Variants in CXorf38 observed in about 807,000 individuals in gnomAD.
CXorf38 encodes uncharacterized protein CXorf38.
A neutral mutation model predicts 27.5 loss-of-function variants in CXorf38; 13 were observed. The ratio of observed to expected loss-of-function variants is 0.47; its 90% CI spans 0.31 to 0.75. The LOEUF is 0.75. Among genes scored for constraint, CXorf38 ranks in the 30% least tolerant of loss-of-function variants. CXorf38 has a pLI of 0.05. For synonymous variants in CXorf38, 100 were observed against 99.8 expected, an observed-to-expected ratio of 1.00 and a Z score of -0.01; for missense variants, 240 against 253.2, an observed-to-expected ratio of 0.95 and a Z score of 0.35.
chrX:40,639,150 G>T, intron 2 of CXorf38, 22 bp from the exon 3 acceptor site: 1 of 1,198,769 alleles, frequency 8.3e-7, no homozygotes, highest in Non-Finnish European at 1.1e-6. Context: ...GAGGGAGGAG[G>T]GGGACCTGAG....
At position 40,647,334 on chromosome X, in the gene CXorf38, C is replaced by T. The variant is rs769803715; in HGVS notation, c.187G>A (p.Gly63Ser). Residue 63 changes from glycine (G) to serine (S), a missense_variant, in exon 1 of 7, where the codon GGC (glycine) becomes AGC (serine). Coordinates refer to ENST00000327877, the MANE Select transcript of CXorf38 (RefSeq NM_144970.3). ...GLGPRAVCRG[G>S]SRCSPRARQF... ...CGGGCGCGAGGGCTGCACCGTGAGC[C>T]GCCGCGGCAGACGGCGCGGGGCCCC... is the stretch of plus-strand genomic sequence containing the variant. The T allele has an allele frequency of 2.7e-6, 3 of 1,105,838 alleles. No homozygotes were observed. Among genetic ancestry groups the T allele is most frequent in the South Asian group, 4.4e-5 (2 of 45,688 alleles). 91.1% of individuals were successfully genotyped at this position (1,105,838 alleles called of 1,213,427 possible). A position where few individuals can be genotyped will look rare whatever the true frequency, so the allele number is the denominator to read the frequency against.
chrX:40,639,149 G>T, intron 2 of CXorf38, 21 bp from the exon 3 acceptor site: 1 of 1,200,956 alleles, frequency 8.3e-7, no homozygotes, highest in Non-Finnish European at 1.1e-6. Context: ...GGAGGGAGGA[G>T]GGGGACCTGA....
chrX:40,643,269 A>T (rs186859298), intron 2 of CXorf38, among the ~76,000 whole-genome samples: 28 of 110,972 alleles, frequency 2.5e-4, no homozygotes, highest in Middle Eastern at 4.6e-3. Context: ...AAGTGTTTTT[A>T]AAAAAAACAG....
In CXorf38 at chrX:40,627,547, T is replaced by G. The variant is rs1927583398; in HGVS notation, c.*2617A>C. The G allele has an allele frequency of 8.9e-6, 1 of 112,282 alleles. No homozygotes were observed. The highest frequency in any genetic ancestry group is 3.7e-4 in the South Asian group (1 of 2,725). 9.3% of individuals were successfully genotyped at this position (112,282 alleles called of 1,213,427 possible). A position where few individuals can be genotyped will look rare whatever the true frequency, so the allele number is the denominator to read the frequency against. On this transcript the variant is annotated 3_prime_UTR_variant, in exon 7 of 7. Coordinates refer to ENST00000327877, the MANE Select transcript of CXorf38 (RefSeq NM_144970.3). ...TTAATATGTCTTAGAGATCACTGCA[T>G]GACCACAGTGCAGCATCGCTTCATT...
rs1795637735 is a variant in CXorf38 at position 40,628,746 on chromosome X, C to T, written c.*1418G>A. ...TAACATTTAGGCCTGTGAATACTCC[C>T]AAGCTATGAGGGGACCCTTCAGTCA... On this transcript the variant is annotated 3_prime_UTR_variant, in exon 7 of 7. Coordinates refer to ENST00000327877, the MANE Select transcript of CXorf38 (RefSeq NM_144970.3). 8.9e-6 allele frequency: 1 copy of T among 112,181 alleles called. No homozygotes were observed. Among genetic ancestry groups the T allele is most frequent in the Non-Finnish European group, 1.9e-5 (1 of 53,228 alleles). 9.2% of individuals were successfully genotyped at this position (112,181 alleles called of 1,213,427 possible). A position where few individuals can be genotyped will look rare whatever the true frequency, so the allele number is the denominator to read the frequency against.
Position 40,636,642 on chromosome X carries a change from C to A in CXorf38, c.692G>T (p.Gly231Val). 1 of 1,208,852 alleles carries A rather than the reference C, an allele frequency of 8.3e-7. No homozygotes were observed. The highest frequency in any genetic ancestry group is 1.1e-6 in the Non-Finnish European group (1 of 893,684). ...DQRDGCECEM[G>V]TYLSESQVNE... The stretch of plus-strand genomic sequence containing the variant: ...GACTTGGCTCTCACTCAGGTAAGTT[C>A]CCATTTCACATTCACACCCATCTCG... Residue 231 changes from glycine to valine, a missense_variant, in exon 5 of 7, where the codon GGA becomes GTA. Physicochemically the swap from Gly to Val is moderately radical, Grantham distance 109. Coordinates refer to ENST00000327877, the MANE Select transcript of CXorf38 (RefSeq NM_144970.3).
intron 2 of CXorf38, among the ~76,000 whole-genome samples, chrX:40,644,684 A>C (rs368839335): frequency 8.9e-6 from 1 of 112,121 alleles, no homozygotes; most frequent in East Asian, 2.8e-4. Context: ...CAGGGACTTG[A>C]GCATCTGTGG....
intron 2 of CXorf38, among the ~76,000 whole-genome samples, chrX:40,643,720 G>A (rs995458378): frequency 9.0e-6 from 1 of 111,163 alleles, no homozygotes; most frequent in Non-Finnish European, 1.9e-5. Flanking sequence ...TTGCTGGTCA[G>A]GTTGGTCTTG....
At chrX:40,637,245 G>C in intron 3 of CXorf38, 89 bp from the exon 4 acceptor site, 2 of 658,035 alleles carry the variant, frequency 3.0e-6, no homozygotes, top group Non-Finnish European at 4.4e-6. Flanking sequence ...TCATAGAGAG[G>C]CTTTGTTAAT....
At position 40,647,547 on chromosome X, in the gene CXorf38, C is replaced by T. The variant is rs757012409; in HGVS notation, c.-27G>A. The stretch of plus-strand genomic sequence containing the variant: ...TCTCCCACTTGGAACCAGGAGGTTG[C>T]GGGGCGTGGCGGACGGCAGTGCGCA... On this transcript the variant is annotated 5_prime_UTR_variant, in exon 1 of 7. Transcript: ENST00000327877. 27 of 1,166,349 alleles carry T rather than the reference C, an allele frequency of 2.3e-5. No homozygotes were observed. The South Asian group carries it at 3.5e-4, about 15-fold the overall frequency.
chrX:40,646,894 A>ATC (rs1259512636), intron 2 of CXorf38, 113 bp downstream of exon 2: 3 of 852,154 alleles, frequency 3.5e-6, no homozygotes, highest in South Asian at 2.8e-5. Context: ...CCCTTGATCA[A>ATC]TCTCTCTCTC....
rs1927670426 is a variant in CXorf38 at position 40,629,509 on chromosome X, CCAAACACAGCCTT to C, written c.*642_*654del. 8.9e-6 allele frequency: 1 copy of C among 112,642 alleles called. No homozygotes were observed. Among genetic ancestry groups the C allele is most frequent in the Non-Finnish European group, 1.9e-5 (1 of 53,339 alleles). The allele number at this position is 112,642 out of a possible 1,213,427, so 9.3% of individuals were successfully genotyped here. A position where few individuals can be genotyped will look rare whatever the true frequency, so the allele number is the denominator to read the frequency against. On this transcript the variant is annotated 3_prime_UTR_variant, in exon 7 of 7. Transcript: ENST00000327877. Reference sequence around the variant, plus strand: ...AGGTGAGCCTCTGGCACAGGCCTGGCCAAACACAGCCTTTACTAAGTTAAGCAGCTACAGTTTA... The same window carrying C: ...AGGTGAGCCTCTGGCACAGGCCTGGCTACTAAGTTAAGCAGCTACAGTTTA...
intron 2 of CXorf38, among the ~76,000 whole-genome samples, chrX:40,641,226 A>G (rs987543976): frequency 5.4e-5 from 6 of 111,322 alleles, no homozygotes; most frequent in Non-Finnish European, 5.7e-5. Flanking sequence ...CAAAAAGGAA[A>G]AAAAAGAAAC....
chrX:40,643,915 G>A (rs924866687), intron 2 of CXorf38, among the ~76,000 whole-genome samples: 6 of 112,579 alleles, frequency 5.3e-5, no homozygotes, highest in African/African-American at 1.9e-4. Flanking sequence ...CTGTTTTCAA[G>A]ATTTATCCAC....
intron 2 of CXorf38, among the ~76,000 whole-genome samples, chrX:40,643,334 ATATT>A (rs1203407087): frequency 2.7e-5 from 3 of 111,900 alleles, no homozygotes; most frequent in East Asian, 2.8e-4. Flanking sequence ...GGTTTCCAGC[ATATT>A]TAAAGAGGTG....
chrX:40,632,127 C>T (rs765408447), intron 5 of CXorf38, among the ~76,000 whole-genome samples: 142 of 111,861 alleles, frequency 1.3e-3, no homozygotes, highest in Middle Eastern at 4.7e-3. Context: ...TCTCAGTGAC[C>T]GTGCCCGGTG....
In CXorf38 at chrX:40,629,427, C is replaced by G. The variant is rs1927667210; in HGVS notation, c.*737G>C. On this transcript the variant is annotated 3_prime_UTR_variant, in exon 7 of 7. Transcript: ENST00000327877. ...CCCAACATTTATATCCCAGCCCAGCCTTGGGGATCCTGGGTGAATAGGAAT... is the reference window on the plus strand; with the variant it reads ...CCCAACATTTATATCCCAGCCCAGCGTTGGGGATCCTGGGTGAATAGGAAT... 8.9e-6 allele frequency: 1 copy of G among 112,119 alleles called. No homozygotes were observed. The allele number at this position is 112,119 out of a possible 1,213,427, so 9.2% of individuals were successfully genotyped here.
rs950027812 is a variant in CXorf38 at position 40,632,130 on chromosome X, G to A, written c.802-1357C>T. Among the ~76,000 whole-genome samples, 8 of 111,864 alleles carry A rather than the reference G, an allele frequency of 7.2e-5. 1 individual carries two copies. Among genetic ancestry groups the A allele is most frequent in the African/African-American group, 2.6e-4 (8 of 30,761 alleles). On this transcript the variant is annotated intron_variant, in intron 5 of 6. Transcript: ENST00000327877. ...TGCATCGTTAGCTCTCAGTGACCGT[G>A]CCCGGTGCCCTAGACACACCTCAGG...
At chrX:40,633,049 T>C (rs748914729) in intron 5 of CXorf38, among the ~76,000 whole-genome samples, 1 of 111,409 alleles carries the variant, frequency 9.0e-6, no homozygotes, top group Non-Finnish European at 1.9e-5. Flanking sequence ...TCTTTCTTTC[T>C]CTCACATGCC....
Sources: gnomAD v4.1 joint callset for allele counts (sites outside exome capture counted in the v4.1 genomes callset) on GRCh38, gnomAD v4.1.1 for gene constraint, MANE v1.5 for transcripts, NCBI Gene and HGNC (gene_info 2026-07-23, HGNC 2026-07-21) for gene names.